CELF2: variants seen among roughly 807,000 people sequenced by gnomAD.
CELF2 encodes CUG triplet repeat RNA-binding protein 2.
In CELF2, 8 loss-of-function variants were observed where a neutral mutation model predicts 62.6. The ratio of observed to expected loss-of-function variants is 0.13; its 90% CI spans 0.07 to 0.23. CELF2 has a LOEUF of 0.23. Ranked by LOEUF, CELF2 falls within the 10% of genes least tolerant of loss-of-function variation. CELF2 has a pLI of 1.00. For synonymous variants in CELF2, 258 were observed against 250.0 expected (o/e 1.03, Z -0.30); for missense variants, 333 against 671.0 (o/e 0.50, Z 5.56).
chr10:10,577,337 T>C, the CELF2 span, among the ~76,000 whole-genome samples: 3 of 151,664 alleles, frequency 2.0e-5, no homozygotes, highest in Non-Finnish European at 4.4e-5. Context: ...TTGTGGAATT[T>C]GGGTCCAGTT....
the CELF2 span, among the ~76,000 whole-genome samples, chr10:10,498,920 C>CTT: frequency 6.6e-6 from 1 of 152,134 alleles, no homozygotes; most frequent in Non-Finnish European, 1.5e-5. Flanking sequence ...CAAGCACACA[C>CTT]TTGGGCATTT....
chr10:10,859,876 C>A (rs1184346685), intron 1 of CELF2, among the ~76,000 whole-genome samples: 2 of 151,994 alleles, frequency 1.3e-5, no homozygotes, highest in East Asian at 3.9e-4. Flanking sequence ...AATTCCTAGC[C>A]TGGCAGTTCT....
intron 1 of CELF2, among the ~76,000 whole-genome samples, chr10:10,900,927 T>G (rs956315920): frequency 1.3e-5 from 2 of 152,248 alleles, no homozygotes; most frequent in African/African-American, 4.8e-5. Context: ...TTCTGTACAC[T>G]GTACCTGTTA....
At chr10:11,020,054 C>T (rs1033758233) in intron 1 of CELF2, among the ~76,000 whole-genome samples, 1 of 152,204 alleles carries the variant, frequency 6.6e-6, no homozygotes, top group Non-Finnish European at 1.5e-5. Flanking sequence ...TTATGAATTA[C>T]AAAAATTTAA....
At chr10:11,104,757 C>T (rs538824394) in intron 1 of CELF2, among the ~76,000 whole-genome samples, 2 of 152,286 alleles carry the variant, frequency 1.3e-5, no homozygotes, top group South Asian at 4.1e-4. Flanking sequence ...TTATTGAAAA[C>T]AAGATACAAT....
chr10:10,787,064 C>T, the CELF2 span, among the ~76,000 whole-genome samples: 5 of 152,088 alleles, frequency 3.3e-5, no homozygotes, highest in East Asian at 1.9e-4. Flanking sequence ...AATTATGTGG[C>T]GTGTGTTAGA....
At position 11,333,196 on chromosome 10, in the gene CELF2, C is replaced by T. The variant is rs971732431; in HGVS notation, c.*4143C>T. On this transcript the variant is annotated 3_prime_UTR_variant, in exon 13 of 13. Transcript: ENST00000633077. ...CGAGTGTTTCTTCTTCACAAGTCAC[C>T]AAGAGAGGACATGAGGGGGAAAGTC... 2 of 138,336 alleles carry T rather than the reference C, an allele frequency of 1.4e-5. No homozygotes were observed. Among genetic ancestry groups the T allele is most frequent in the African/African-American group, 5.5e-5 (2 of 36,398 alleles). 8.6% of individuals were successfully genotyped at this position (138,336 alleles called of 1,614,324 possible). A position where few individuals can be genotyped will look rare whatever the true frequency, so the allele number is the denominator to read the frequency against.
chr10:11,071,045 A>C (rs1260690987), intron 1 of CELF2, among the ~76,000 whole-genome samples: 1 of 152,228 alleles, frequency 6.6e-6, no homozygotes, highest in African/African-American at 2.4e-5. Flanking sequence ...AGACACAGTA[A>C]TATCAAATGG....
At chr10:10,834,404 C>T in intron 1 of CELF2, among the ~76,000 whole-genome samples, 1 of 152,044 alleles carries the variant, frequency 6.6e-6, no homozygotes, top group Non-Finnish European at 1.5e-5. Context: ...TACAATAAAC[C>T]CCCAAGACAC....
intron 2 of CELF2, among the ~76,000 whole-genome samples, chr10:11,173,909 A>G (rs1395731499): frequency 6.6e-6 from 1 of 152,222 alleles, no homozygotes; most frequent in Non-Finnish European, 1.5e-5. Flanking sequence ...AGATTGACAT[A>G]GGTTTATATA....
At chr10:10,823,154 T>C (rs1047908052) in intron 1 of CELF2, among the ~76,000 whole-genome samples, 4 of 152,226 alleles carry the variant, frequency 2.6e-5, no homozygotes, top group Admixed American at 2.0e-4. Flanking sequence ...AGAAAGGACT[T>C]TTTAAAGCTT....
At position 10,860,997 on chromosome 10, in the gene CELF2, T is replaced by C. The variant is rs372008093; in HGVS notation, c.54-58967T>C. ...AGGACAGTGGCTCATCATTGCACACTACAGCCTTGAACTCCTAGGCTCAAG... is the reference window on the plus strand; with the variant it reads ...AGGACAGTGGCTCATCATTGCACACCACAGCCTTGAACTCCTAGGCTCAAG... On this transcript the variant is annotated intron_variant, in intron 1 of 13. Coordinates refer to the CELF2 transcript ENST00000636488. Among the ~76,000 whole-genome samples, 171 of 152,304 alleles carry C rather than the reference T, an allele frequency of 1.1e-3. 1 individual carries two copies. The highest frequency in any genetic ancestry group is 3.4e-3 in the Middle Eastern group (1 of 294).
intron 1 of CELF2, among the ~76,000 whole-genome samples, chr10:11,083,633 T>G (rs1394909276): frequency 6.6e-6 from 1 of 152,202 alleles, no homozygotes; most frequent in Admixed American, 6.5e-5. Context: ...ATTTCCCCTT[T>G]TCCTGCAATG....
the CELF2 span, among the ~76,000 whole-genome samples, chr10:10,754,753 T>C: frequency 6.6e-6 from 1 of 152,214 alleles, no homozygotes. Context: ...CAGCTCTTTT[T>C]ATAGATTTGA....
chr10:10,680,304 A>G, the CELF2 span, among the ~76,000 whole-genome samples: 1 of 152,172 alleles, frequency 6.6e-6, no homozygotes, highest in Non-Finnish European at 1.5e-5. Context: ...CAGGTTTGAA[A>G]ATTTTCTAGA....
rs117541377 is a variant in CELF2, at chr10:11,197,604, G to A, written c.272-19821G>A. Among the ~76,000 whole-genome samples the A allele has an allele frequency of 8.9e-3, 1,352 of 152,338 alleles. 8 individuals are homozygous for A. Among genetic ancestry groups the A allele is most frequent in the Non-Finnish European group, 0.013 (895 of 68,034 alleles). ...ACTTTTCTGTTAAACAATCCAACAC[G>A]GAAGTAACACAGGCTGTCCTTTGGG... On this transcript the variant is annotated intron_variant, in intron 2 of 12. Coordinates refer to ENST00000633077, the MANE Select transcript of CELF2 (RefSeq NM_001326342.2).
intron 1 of CELF2, among the ~76,000 whole-genome samples, chr10:11,109,569 G>A (rs567774169): frequency 2.6e-5 from 4 of 152,312 alleles, no homozygotes; most frequent in Admixed American, 6.5e-5. Context: ...ACCAAAGACA[G>A]ACATAGGACT....
chr10:10,759,904 A>C, the CELF2 span, among the ~76,000 whole-genome samples: 1 of 151,898 alleles, frequency 6.6e-6, no homozygotes, highest in Admixed American at 6.6e-5. Context: ...GGTTCTTAAA[A>C]TCTTTTTTTT....
intron 1 of CELF2, among the ~76,000 whole-genome samples, chr10:10,859,801 A>G (rs1441299247): frequency 6.6e-6 from 1 of 152,142 alleles, no homozygotes. Context: ...ACCTAGGAAC[A>G]CCTGCTTATA....
Sources: gnomAD v4.1 joint callset for allele counts (sites outside exome capture counted in the v4.1 genomes callset) on GRCh38, gnomAD v4.1.1 for gene constraint, MANE v1.5 for transcripts, NCBI Gene and HGNC (gene_info 2026-07-23, HGNC 2026-07-21) for gene names.